Variants in SLC24A2 observed in about 807,000 individuals in gnomAD.
The protein encoded by SLC24A2 is sodium/potassium/calcium exchanger 2.
In SLC24A2, 36 loss-of-function variants were observed where a neutral mutation model predicts 62.0. The observed-to-expected ratio is 0.58, with a 90% CI of 0.44 to 0.77. The LOEUF (loss-of-function observed/expected upper bound fraction) is 0.77, where lower values mean the gene tolerates loss of function less well. SLC24A2 is among the 30% of genes least tolerant of loss of function. The probability of loss-of-function intolerance (pLI) is 0.00; values close to 1 mark genes in which losing one functional copy is unlikely to be tolerated. For missense variants in SLC24A2, 846 were observed against 817.9 expected, an observed-to-expected ratio of 1.03 and a Z score of -0.42; for synonymous variants, 358 against 294.0, an observed-to-expected ratio of 1.22 and a Z score of -2.23.
the SLC24A2 span, among the ~76,000 whole-genome samples, chr9:20,229,800 G>C: frequency 6.6e-6 from 1 of 151,452 alleles, no homozygotes; most frequent in Non-Finnish European, 1.5e-5. Flanking sequence ...TGTTACATAC[G>C]TGTACATGTG....
chr9:19,764,397 G>C (rs1243880674), intron 2 of SLC24A2, among the ~76,000 whole-genome samples: 1 of 152,200 alleles, frequency 6.6e-6, no homozygotes, highest in Non-Finnish European at 1.5e-5. Flanking sequence ...TGATGTTAGA[G>C]TGTCAATTTT....
chr9:19,522,646 C>G (rs897332143), intron 9 of SLC24A2, among the ~76,000 whole-genome samples: 2 of 152,110 alleles, frequency 1.3e-5, no homozygotes. Flanking sequence ...TCACTGCTCC[C>G]CATTAGTAAG....
At chr9:20,187,418 C>A in the SLC24A2 span, among the ~76,000 whole-genome samples, 1 of 152,120 alleles carries the variant, frequency 6.6e-6, no homozygotes, top group African/African-American at 2.4e-5. Flanking sequence ...CTTACTCAAC[C>A]AAGTCCAAAC....
rs1248665192 is a variant in SLC24A2, at chr9:19,513,269, G to C, written c.*2884C>G. The C allele has an allele frequency of 6.7e-6, 1 of 150,342 alleles. No individual in the cohort carries two copies. Among genetic ancestry groups the C allele is most frequent in the Non-Finnish European group, 1.5e-5 (1 of 67,884 alleles). 9.3% of individuals were successfully genotyped at this position (150,342 alleles called of 1,614,324 possible). ...GACCTGTTTTGGAAACCACGGTGTG[G>C]AAAGTTCTTATAATTATGCCAATGA... is the stretch of plus-strand genomic sequence containing the variant. On this transcript the variant is annotated 3_prime_UTR_variant, in exon 11 of 11. Transcript: ENST00000341998.
At chr9:20,163,729 C>G in the SLC24A2 span, among the ~76,000 whole-genome samples, 1 of 152,176 alleles carries the variant, frequency 6.6e-6, no homozygotes, top group East Asian at 1.9e-4. Context: ...TGACTTCAAA[C>G]TATACTACAA....
chr9:19,570,729 G>GCTAT, intron 7 of SLC24A2, among the ~76,000 whole-genome samples: 1 of 152,264 alleles, frequency 6.6e-6, no homozygotes, highest in Admixed American at 6.5e-5. Context: ...AAGTACTGTT[G>GCTAT]CTATCTGCAC....
chr9:19,639,999 T>C (rs1369274142), intron 2 of SLC24A2, among the ~76,000 whole-genome samples: 1 of 152,246 alleles, frequency 6.6e-6, no homozygotes, highest in Non-Finnish European at 1.5e-5. Flanking sequence ...ATTTCTAAGA[T>C]CCTTCATGCT....
the SLC24A2 span, among the ~76,000 whole-genome samples, chr9:19,799,520 G>A: frequency 6.6e-6 from 1 of 152,138 alleles, no homozygotes. Context: ...GGAATGGGAG[G>A]TAAGGAATGA....
intron 2 of SLC24A2, among the ~76,000 whole-genome samples, chr9:19,624,824 T>C (rs930234560): frequency 6.6e-6 from 1 of 152,182 alleles, no homozygotes; most frequent in African/African-American, 2.4e-5. Context: ...TAATTGCCCA[T>C]TTCCAGGGGC....
the SLC24A2 span, among the ~76,000 whole-genome samples, chr9:19,944,213 C>A: frequency 6.6e-6 from 1 of 152,032 alleles, no homozygotes; most frequent in African/African-American, 2.4e-5. Context: ...AGTGAAAGAC[C>A]TTCTTTAAGT....
chr9:19,631,658 T>C (rs1433427501), intron 2 of SLC24A2, among the ~76,000 whole-genome samples: 1 of 152,080 alleles, frequency 6.6e-6, no homozygotes, highest in Non-Finnish European at 1.5e-5. Flanking sequence ...ACTAGAGCTT[T>C]GAAAGGAAGG....
At chr9:19,776,263 A>G (rs1290091878) in intron 2 of SLC24A2, among the ~76,000 whole-genome samples, 1 of 152,202 alleles carries the variant, frequency 6.6e-6, no homozygotes, top group Non-Finnish European at 1.5e-5. Flanking sequence ...GGTACAAGAG[A>G]ACTAGCTTGC....
At chr9:19,707,427 A>G (rs1180670646) in intron 2 of SLC24A2, among the ~76,000 whole-genome samples, 3 of 152,242 alleles carry the variant, frequency 2.0e-5, no homozygotes, top group Non-Finnish European at 2.9e-5. Flanking sequence ...TCATCCTGAT[A>G]CCAAAGCCTG....
At chr9:20,164,479 A>G in the SLC24A2 span, among the ~76,000 whole-genome samples, 1 of 151,874 alleles carries the variant, frequency 6.6e-6, no homozygotes, top group Non-Finnish European at 1.5e-5. Flanking sequence ...AAAAGTCAGG[A>G]AACAACAGGT....
chr9:20,243,334 TGACATACCA>T, the SLC24A2 span, among the ~76,000 whole-genome samples: 1 of 152,210 alleles, frequency 6.6e-6, no homozygotes, highest in Non-Finnish European at 1.5e-5. Flanking sequence ...AGCAGAATGC[TGACATACCA>T]GCTCCTTCAT....
At chr9:20,188,779 C>T in the SLC24A2 span, among the ~76,000 whole-genome samples, 1 of 152,106 alleles carries the variant, frequency 6.6e-6, no homozygotes, top group Non-Finnish European at 1.5e-5. Context: ...ACAGATGCTC[C>T]CTAGAGCTGC....
chr9:19,616,870 G>A (rs1473500659), intron 4 of SLC24A2, among the ~76,000 whole-genome samples: 1 of 152,154 alleles, frequency 6.6e-6, no homozygotes, highest in Non-Finnish European at 1.5e-5. Flanking sequence ...GCTGAAAAAT[G>A]GGCAGGAGTA....
chr9:20,154,384 G>T, the SLC24A2 span, among the ~76,000 whole-genome samples: 2 of 151,690 alleles, frequency 1.3e-5, no homozygotes, highest in South Asian at 2.1e-4. Flanking sequence ...TTGATTGGTG[G>T]GACAGATGAA....
At chr9:19,978,533 G>A in the SLC24A2 span, among the ~76,000 whole-genome samples, 2 of 151,956 alleles carry the variant, frequency 1.3e-5, no homozygotes, top group African/African-American at 4.8e-5. Context: ...AAGGAATGGT[G>A]TTCAAGCAAC....
Sources: allele counts gnomAD v4.1 joint callset (sites outside exome capture counted in the v4.1 genomes callset), GRCh38; gene constraint gnomAD v4.1.1; transcripts MANE v1.5; gene names NCBI Gene and HGNC (gene_info 2026-07-23, HGNC 2026-07-21).